JAK1: variants seen among roughly 807,000 people sequenced by gnomAD.
The protein encoded by JAK1 is tyrosine-protein kinase JAK1.
Under a neutral mutation model 136.6 loss-of-function variants are expected in JAK1, and 16 were observed. That is an observed-to-expected ratio of 0.12 (90% confidence interval 0.08 to 0.18). The LOEUF (loss-of-function observed/expected upper bound fraction) is 0.18, where lower values mean the gene tolerates loss of function less well. JAK1 is among the 10% of genes least tolerant of loss of function. The pLI, the probability that JAK1 is intolerant of heterozygous loss-of-function variation, is 1.00. For missense variants in JAK1, 859 were observed against 1,450.1 expected, an observed-to-expected ratio of 0.59 and a Z score of 6.62; for synonymous variants, 492 against 519.5, an observed-to-expected ratio of 0.95 and a Z score of 0.72.
intron 1 of JAK1, among the ~76,000 whole-genome samples, chr1:64,925,479 C>T (rs1160584373): frequency 6.6e-6 from 1 of 152,106 alleles, no homozygotes; most frequent in Non-Finnish European, 1.5e-5. Context: ...AAGAAGAAAA[C>T]TGTGTATACA....
At chr1:64,880,100 G>A (rs563649349) in intron 3 of JAK1, among the ~76,000 whole-genome samples, 2 of 152,314 alleles carry the variant, frequency 1.3e-5, no homozygotes, top group South Asian at 4.1e-4. Flanking sequence ...CAGTGAGACT[G>A]ACACTGACAG....
Position 65,014,824 on chromosome 1 carries a change from A to C in JAK1, c.-78+29656T>G, listed in dbSNP as rs927111209. ...CTCAGCCTCCCGAATAGCTGGGACT[A>C]CAGGCGCCCGCCACCACGCCCGGCT... On this transcript the variant is annotated intron_variant, in intron 2 of 25. Transcript: ENST00000671954. 2.0e-5 allele frequency among the ~76,000 whole-genome samples: 3 copies of C among 152,022 alleles called. No individual in the cohort carries two copies. The East Asian group carries it at 5.8e-4, about 29-fold the overall frequency.
At chr1:65,052,950 G>A (rs999532028) in intron 1 of JAK1, among the ~76,000 whole-genome samples, 2 of 149,836 alleles carry the variant, frequency 1.3e-5, no homozygotes, top group Middle Eastern at 3.2e-3. Context: ...AGAATCGCTG[G>A]GACCCGGGAG....
chr1:64,946,077 C>T (rs951743742), intron 1 of JAK1, among the ~76,000 whole-genome samples: 1 of 151,954 alleles, frequency 6.6e-6, no homozygotes, highest in African/African-American at 2.4e-5. Context: ...GTACCTATGC[C>T]AAACAAAATA....
At chr1:65,011,126 T>A (rs1409088196) in intron 2 of JAK1, among the ~76,000 whole-genome samples, 1 of 152,164 alleles carries the variant, frequency 6.6e-6, no homozygotes, top group African/African-American at 2.4e-5. Context: ...CTGGGGGCAG[T>A]GTGTGGAGGG....
At chr1:65,062,455 G>A (rs1426443630) in intron 1 of JAK1, among the ~76,000 whole-genome samples, 1 of 152,130 alleles carries the variant, frequency 6.6e-6, no homozygotes, top group African/African-American at 2.4e-5. Context: ...AAAATGCTGG[G>A]TCTCAGATTT....
intron 2 of JAK1, among the ~76,000 whole-genome samples, chr1:65,035,024 C>A (rs780408854): frequency 6.6e-6 from 1 of 151,736 alleles, no homozygotes; most frequent in Non-Finnish European, 1.5e-5. Flanking sequence ...CCATTGCACT[C>A]CAGCTTGGGC....
chr1:64,870,052 GAACT>G (rs763544090), intron 5 of JAK1, among the ~76,000 whole-genome samples: 6 of 152,180 alleles, frequency 3.9e-5, no homozygotes, highest in Non-Finnish European at 7.3e-5. Flanking sequence ...AGCATTCTAA[GAACT>G]AACGGGAACT....
chr1:64,839,803 G>A lies in JAK1; in HGVS notation c.2650-8C>T, dbSNP rs754927073. ...AACCTTCCCAAAGTGGCCCTGGAGG[G>A]AAAGATGCATGTGCTGTTATCAGGG... On this transcript the variant is annotated splice_region_variant and splice_polypyrimidine_tract_variant and intron_variant, in intron 19 of 24. Coordinates refer to ENST00000342505, the MANE Select transcript of JAK1 (RefSeq NM_002227.4). 10 of 1,600,046 alleles carry A rather than the reference G, an allele frequency of 6.2e-6. No individual in the cohort carries two copies. The highest frequency in any genetic ancestry group is 8.5e-6 in the Non-Finnish European group (10 of 1,172,716).
intron 13 of JAK1, 147 bp downstream of exon 13, chr1:64,847,385 C>T (rs1655304463): frequency 1.1e-6 from 1 of 875,966 alleles, no homozygotes; most frequent in African/African-American, 1.7e-5. Flanking sequence ...CCACTAAGAT[C>T]ATATGTGGAG....
At chr1:65,027,768 G>T (rs1243787533) in intron 2 of JAK1, among the ~76,000 whole-genome samples, 1 of 152,140 alleles carries the variant, frequency 6.6e-6, no homozygotes, top group South Asian at 2.1e-4. Context: ...AAAGTCCCAC[G>T]TTGCATGGCA....
intron 8 of JAK1, among the ~76,000 whole-genome samples, chr1:64,864,374 C>T (rs888433604): frequency 6.6e-6 from 1 of 152,266 alleles, no homozygotes; most frequent in Non-Finnish European, 1.5e-5. Context: ...CGATGACTGC[C>T]ACTGTGGCCG....
At chr1:65,052,946 G>C (rs907450181) in intron 1 of JAK1, among the ~76,000 whole-genome samples, 1 of 149,550 alleles carries the variant, frequency 6.7e-6, no homozygotes, top group Non-Finnish European at 1.5e-5. Flanking sequence ...CAGGAGAATC[G>C]CTGGGACCCG....
At chr1:64,866,329 T>C (rs1656705572) in intron 7 of JAK1, among the ~76,000 whole-genome samples, 1 of 152,250 alleles carries the variant, frequency 6.6e-6, no homozygotes, top group South Asian at 2.1e-4. Flanking sequence ...CTTAAGCCAC[T>C]CTGCTCTATT....
intron 2 of JAK1, among the ~76,000 whole-genome samples, chr1:65,000,505 A>G (rs1263304532): frequency 6.6e-6 from 1 of 152,066 alleles, no homozygotes; most frequent in Non-Finnish European, 1.5e-5. Flanking sequence ...TCTCTTAAAA[A>G]AAAAAAAAAT....
rs374928874 is a variant in JAK1, at chr1:64,844,719, G to A, written c.2251+35C>T. The A allele has an allele frequency of 1.9e-5, 30 of 1,613,078 alleles. No homozygotes were observed. The highest frequency in any genetic ancestry group is 9.3e-5 in the African/African-American group (7 of 74,898). ...CTCTCTGCTGACTTGCCCCTGACTC[G>A]GGGTGGGGCCAGAGGGAAGAGAGGG... On this transcript the variant is annotated intron_variant, in intron 16 of 24. Transcript: ENST00000342505. This position sits in a 1 kb window ranked among gnomAD's most constrained non-coding sequence, Gnocchi z 5.7.
chr1:64,865,692 A>G (rs1459885944), intron 7 of JAK1, among the ~76,000 whole-genome samples: 1 of 152,218 alleles, frequency 6.6e-6, no homozygotes, highest in African/African-American at 2.4e-5. Context: ...GAAAACCCTC[A>G]GTAAGTATCA....
chr1:64,962,793 C>T (rs1211012573), intron 1 of JAK1, among the ~76,000 whole-genome samples: 2 of 152,170 alleles, frequency 1.3e-5, no homozygotes, highest in African/African-American at 2.4e-5. Context: ...CCAGGCCAGG[C>T]GCGGTGGCTC....
At chr1:64,881,244 A>T (rs1403680281) in intron 3 of JAK1, among the ~76,000 whole-genome samples, 1 of 149,924 alleles carries the variant, frequency 6.7e-6, no homozygotes, top group African/African-American at 2.4e-5. Context: ...TCTAGGGGAC[A>T]GAGCAAGACC....
Sources: gnomAD v4.1 joint callset for allele counts (sites outside exome capture counted in the v4.1 genomes callset) on GRCh38, gnomAD v4.1.1 for gene constraint, Gnocchi (gnomAD v3.1) non-coding constraint, MANE v1.5 for transcripts, NCBI Gene and HGNC (gene_info 2026-07-23, HGNC 2026-07-21) for gene names.